The following DOK5 variants were observed in gnomAD, a reference collection of about 807,000 sequenced individuals.
DOK5 encodes docking protein 5.
Under a neutral mutation model 43.3 loss-of-function variants are expected in DOK5, and 27 were observed. That is an observed-to-expected ratio of 0.62 (90% CI 0.46 to 0.86). The LOEUF is 0.86. DOK5 is among the 40% of genes least tolerant of loss of function. The pLI, the probability that DOK5 is intolerant of heterozygous loss-of-function variation, is 0.00. For synonymous variants in DOK5, 146 were observed against 140.1 expected, an observed-to-expected ratio of 1.04 and a Z score of -0.30; for missense variants, 373 against 392.9, an observed-to-expected ratio of 0.95 and a Z score of 0.43.
chr20:54,518,175 C>T (rs112438075), intron 1 of DOK5, among the ~76,000 whole-genome samples: 2,191 of 152,066 alleles, frequency 0.014, 48 homozygotes, highest in African/African-American at 0.05. Context: ...GCACAACATG[C>T]AAGTTTGTTA....
At chr20:54,647,550 G>A (rs1438668326) in intron 7 of DOK5, among the ~76,000 whole-genome samples, 1 of 149,972 alleles carries the variant, frequency 6.7e-6, no homozygotes, top group Non-Finnish European at 1.5e-5. Context: ...GAAACTTACA[G>A]AAGCAATCAA....
rs113344256 is a variant in DOK5, at chr20:54,638,088, T to C, written c.736-5370T>C. Among the ~76,000 whole-genome samples the C allele has an allele frequency of 5.9e-3, 856 of 144,504 alleles. 7 individuals are homozygous for C. The highest frequency in any genetic ancestry group is 0.016 in the African/African-American group (623 of 39,326). 94.8% of individuals were successfully genotyped at this position (144,504 alleles called of 152,430 possible). On this transcript the variant is annotated intron_variant, in intron 6 of 7. Transcript: ENST00000262593. ...AGTGAGCCGAGATCATGTCACTGCA[T>C]TCCAGCCTGGGTGACAGAGCGAGAC... is the stretch of plus-strand genomic sequence containing the variant.
At chr20:54,587,173 C>A (rs1389090521) in intron 2 of DOK5, among the ~76,000 whole-genome samples, 1 of 152,108 alleles carries the variant, frequency 6.6e-6, no homozygotes, top group Admixed American at 6.5e-5. Flanking sequence ...AGTCCTGAGG[C>A]ACTTGGTGTA....
At chr20:54,567,086 T>C (rs1217713438) in intron 2 of DOK5, among the ~76,000 whole-genome samples, 1 of 152,080 alleles carries the variant, frequency 6.6e-6, no homozygotes, top group Admixed American at 6.5e-5. Context: ...TGTGTATATA[T>C]ATGTGTCAGA....
At chr20:54,603,568 G>A (rs1236323762) in intron 5 of DOK5, among the ~76,000 whole-genome samples, 1 of 152,150 alleles carries the variant, frequency 6.6e-6, no homozygotes, top group Non-Finnish European at 1.5e-5. Flanking sequence ...ATTTTCAACT[G>A]GGGATACTTG....
Position 54,591,371 on chromosome 20 carries a change from C to T in DOK5, c.410-245C>T, listed in dbSNP as rs566602391. ...ATTTAAAAATTCTAAAAATGGTCTT[C>T]GCTCATGTAAATAGTGCTTAGTGTA... On this transcript the variant is annotated intron_variant, in intron 4 of 7. Transcript: ENST00000262593. Among the ~76,000 whole-genome samples, 16 of 152,260 alleles carry T rather than the reference C, an allele frequency of 1.1e-4. No individual in the cohort carries two copies. The South Asian group carries it at 1.5e-3, about 14-fold the overall frequency.
chr20:54,612,876 G>A (rs749873387), intron 6 of DOK5, among the ~76,000 whole-genome samples: 13 of 152,308 alleles, frequency 8.5e-5, no homozygotes, highest in Non-Finnish European at 1.6e-4. Flanking sequence ...CAGCTTTGTG[G>A]AGGAGAACAA....
intron 5 of DOK5, among the ~76,000 whole-genome samples, chr20:54,595,584 C>CAAAT (rs1431116334): frequency 6.6e-6 from 1 of 152,122 alleles, no homozygotes; most frequent in Non-Finnish European, 1.5e-5. Context: ...TTATTTCATC[C>CAAAT]AAGAACTCCA....
chr20:54,616,914 C>T (rs922616146), intron 6 of DOK5, among the ~76,000 whole-genome samples: 9 of 151,598 alleles, frequency 5.9e-5, no homozygotes, highest in East Asian at 1.9e-4. Flanking sequence ...CTCAGCCTCC[C>T]GAGTAGCTGA....
chr20:54,536,098 ATAG>A (rs1217637609), intron 1 of DOK5, among the ~76,000 whole-genome samples: 1 of 152,246 alleles, frequency 6.6e-6, no homozygotes, highest in Non-Finnish European at 1.5e-5. Context: ...CAGATAAAAT[ATAG>A]TGTGTTTTTA....
intron 5 of DOK5, among the ~76,000 whole-genome samples, chr20:54,600,069 A>G (rs1362264326): frequency 6.6e-6 from 1 of 152,174 alleles, no homozygotes; most frequent in Non-Finnish European, 1.5e-5. Context: ...TTAAGAGGTG[A>G]GAGTGTGAGC....
At chr20:54,503,933 A>G (rs901547790) in intron 1 of DOK5, among the ~76,000 whole-genome samples, 1 of 152,190 alleles carries the variant, frequency 6.6e-6, no homozygotes, top group African/African-American at 2.4e-5. Context: ...GTCATCTTGT[A>G]AGGAGAAGAG....
At chr20:54,543,783 C>A (rs1331323363) in intron 1 of DOK5, among the ~76,000 whole-genome samples, 1 of 152,136 alleles carries the variant, frequency 6.6e-6, no homozygotes, top group African/African-American at 2.4e-5. Flanking sequence ...ATAGCATTTT[C>A]TATGGTATAC....
intron 2 of DOK5, among the ~76,000 whole-genome samples, chr20:54,561,038 T>C (rs923283584): frequency 2.0e-5 from 3 of 152,198 alleles, no homozygotes; most frequent in Non-Finnish European, 4.4e-5. Flanking sequence ...ATATTCCCTC[T>C]CAAATCAATC....
chr20:54,488,801 C>A (rs1982049188), intron 1 of DOK5, among the ~76,000 whole-genome samples: 1 of 137,360 alleles, frequency 7.3e-6, no homozygotes, highest in African/African-American at 2.6e-5. Flanking sequence ...TCCCTTCCTA[C>A]CTTCCTTCCT....
At chr20:54,535,804 G>A (rs188187415) in intron 1 of DOK5, among the ~76,000 whole-genome samples, 21 of 152,232 alleles carry the variant, frequency 1.4e-4, no homozygotes, top group Admixed American at 1.2e-3. Flanking sequence ...TTAAAACAAT[G>A]TCTCTCAGTA....
chr20:54,523,388 G>A (rs1239667718), intron 1 of DOK5, among the ~76,000 whole-genome samples: 2 of 151,824 alleles, frequency 1.3e-5, no homozygotes, highest in Non-Finnish European at 2.9e-5. Context: ...CCAACATGGT[G>A]AACCCCATCT....
intron 1 of DOK5, among the ~76,000 whole-genome samples, chr20:54,529,219 TATA>T (rs1457501820): frequency 1.3e-5 from 2 of 152,090 alleles, no homozygotes; most frequent in African/African-American, 4.8e-5. Context: ...TAGACATAAT[TATA>T]ATAATAAGAC....
intron 1 of DOK5, among the ~76,000 whole-genome samples, chr20:54,493,232 C>G (rs1447420532): frequency 4.6e-5 from 7 of 152,148 alleles, no homozygotes; most frequent in Admixed American, 3.9e-4. Flanking sequence ...ATGAATATCT[C>G]TGAAATGTAC....
Sources: gnomAD v4.1 joint callset for allele counts (sites outside exome capture counted in the v4.1 genomes callset) on GRCh38, gnomAD v4.1.1 for gene constraint, MANE v1.5 for transcripts, NCBI Gene and HGNC (gene_info 2026-07-23, HGNC 2026-07-21) for gene names.